The following DCSTAMP variants were observed in gnomAD, a reference collection of about 807,000 sequenced individuals.
The protein encoded by DCSTAMP is dendritic cell-specific transmembrane protein.
DCSTAMP carries 25 observed loss-of-function variants against 33.8 expected under a neutral mutation model. The ratio of observed to expected loss-of-function variants is 0.74; its 90% CI spans 0.54 to 1.03. The LOEUF is 1.03. Among genes scored for constraint, DCSTAMP ranks in the 50% least tolerant of loss-of-function variants. The pLI is 0.00. For missense variants in DCSTAMP, 531 were observed against 556.8 expected, an observed-to-expected ratio of 0.95 and a Z score of 0.47; for synonymous variants, 245 against 216.7, an observed-to-expected ratio of 1.13 and a Z score of -1.15.
intron 3 of DCSTAMP, 83 bp from the exon 4 acceptor site, chr8:104,356,041 C>A: frequency 7.9e-7 from 1 of 1,262,120 alleles, no homozygotes; most frequent in Non-Finnish European, 1.1e-6. Flanking sequence ...ACATCTTTAA[C>A]CCCACAATGA....
Position 104,348,630 on chromosome 8 carries a change from G to A in DCSTAMP, c.78G>A (p.Trp26Ter), listed in dbSNP as rs758551647. 1 of 1,614,188 alleles carries A rather than the reference G, an allele frequency of 6.2e-7. No individual in the cohort carries two copies. The highest frequency in any genetic ancestry group is 1.3e-5 in the African/African-American group (1 of 75,032). Residue 26 changes from tryptophan to a stop codon, truncating the protein, a stop_gained, in exon 2 of 4, where the codon TGG becomes TGA. Transcript: ENST00000297581. LOFTEE classifies it high-confidence loss of function. ...EIYVSPRSPG[W>*]MDFIQHLGVC... is the part of the protein sequence containing the mutation. ...ACGTGTCTCCAAGAAGCCCCGGATG[G>A]ATGGACTTTATCCAGCATTTGGGAG...
At chr8:104,353,695 G>A (rs1346345943) in intron 2 of DCSTAMP, among the ~76,000 whole-genome samples, 1 of 152,186 alleles carries the variant, frequency 6.6e-6, no homozygotes, top group Non-Finnish European at 1.5e-5. Context: ...TCCCAGGTTT[G>A]GGGTTTCCAA....
chr8:104,347,723 G>C (rs1050174579), intron 1 of DCSTAMP, among the ~76,000 whole-genome samples: 1 of 152,292 alleles, frequency 6.6e-6, no homozygotes, highest in East Asian at 1.9e-4. Flanking sequence ...GCCTGGTCAG[G>C]TGCCTTTTGT....
In DCSTAMP at chr8:104,354,900, C is replaced by A; in HGVS notation, c.1053C>A (p.Ile351=). 1 of 1,601,956 alleles carries A rather than the reference C, an allele frequency of 6.2e-7. No individual in the cohort carries two copies. Among genetic ancestry groups the A allele is most frequent in the Non-Finnish European group, 8.5e-7 (1 of 1,171,876 alleles). ...HGEKQGTQDI[I]HDSSFNISVF... is the part of the protein sequence containing the mutation. ...AGAAACAAGGAACTCAAGATATTAT[C>A]CATGATTCTTCCTTTAATATATCTG... Residue 351 remains isoleucine (I), a synonymous_variant, in exon 3 of 4, where the codon ATC becomes ATA. Transcript: ENST00000297581.
At chr8:104,351,941 A>T (rs919003165) in intron 2 of DCSTAMP, among the ~76,000 whole-genome samples, 1 of 152,160 alleles carries the variant, frequency 6.6e-6, no homozygotes, top group East Asian at 1.9e-4. Context: ...TTTTTTAAAA[A>T]GATTATTACT....
At chr8:104,347,096 T>C (rs1415136560) in intron 1 of DCSTAMP, among the ~76,000 whole-genome samples, 3 of 152,184 alleles carry the variant, frequency 2.0e-5, no homozygotes, top group Non-Finnish European at 4.4e-5. Flanking sequence ...TTATTTTATA[T>C]ATATATCACT....
rs903773328 is a variant in DCSTAMP at position 104,347,869 on chromosome 8, A to T, written c.-12-672A>T. ...CCTGCAAATGTGTCTTGAGATGGGG[A>T]GATTATCCCAGATTATCTGGGTGGG... On this transcript the variant is annotated intron_variant, in intron 1 of 3. Transcript: ENST00000297581. 3.3e-5 allele frequency among the ~76,000 whole-genome samples: 5 copies of T among 152,178 alleles called. No homozygotes were observed. The East Asian group carries it at 7.7e-4, about 23-fold the overall frequency.
At position 104,349,394 on chromosome 8, in the gene DCSTAMP, C is replaced by A. The variant is rs753918402; in HGVS notation, c.842C>A (p.Pro281Gln). Residue 281 changes from proline to glutamine, a missense_variant, in exon 2 of 4, where the codon CCG (proline) becomes CAG (glutamine). Pro to Gln is a moderately conservative substitution (Grantham distance 76). Coordinates refer to ENST00000297581, the MANE Select transcript of DCSTAMP (RefSeq NM_030788.4). ...KEERRKYVII[P>Q]TFWPTPKERK... Reference sequence around the variant, plus strand: ...GAAAGGAGGAAGTATGTCATCATCCCGACTTTCTGGCCGACTCCTAAAGAA... The same window carrying A: ...GAAAGGAGGAAGTATGTCATCATCCAGACTTTCTGGCCGACTCCTAAAGAA... The A allele has an allele frequency of 3.7e-6, 6 of 1,614,088 alleles. No homozygotes were observed. The highest frequency in any genetic ancestry group is 5.1e-6 in the Non-Finnish European group (6 of 1,180,050).
intron 1 of DCSTAMP, among the ~76,000 whole-genome samples, chr8:104,340,821 G>T (rs1204667054): frequency 1.3e-5 from 2 of 152,240 alleles, no homozygotes; most frequent in Admixed American, 6.5e-5. Context: ...CATCAAGCCA[G>T]TGAGGGAGGC....
rs777363051 is a variant in DCSTAMP, at chr8:104,348,672, T to C, written c.120T>C (p.Ala40=). Residue 40 remains alanine (A), a synonymous_variant, in exon 2 of 4, where the codon GCT becomes GCC. Transcript: ENST00000297581. The part of the protein sequence containing the change: ...IQHLGVCCLV[A]LISVGLLSVA... The stretch of plus-strand genomic sequence containing the variant: ...ATTTGGGAGTTTGCTGTTTGGTTGC[T>C]CTTATTTCAGTGGGCCTCCTGTCTG... The C allele has an allele frequency of 1.9e-6, 3 of 1,614,072 alleles. No individual in the cohort carries two copies. Among genetic ancestry groups the C allele is most frequent in the Non-Finnish European group, 2.5e-6 (3 of 1,180,050 alleles).
intron 1 of DCSTAMP, among the ~76,000 whole-genome samples, chr8:104,347,847 G>A (rs1044081085): frequency 5.3e-5 from 8 of 152,292 alleles, no homozygotes; most frequent in African/African-American, 1.9e-4. Context: ...AAGGGACCCT[G>A]CAAATGTGTC....
Position 104,356,071 on chromosome 8 carries a change from T to C in DCSTAMP, c.1339-53T>C, listed in dbSNP as rs115926403. On this transcript the variant is annotated intron_variant, in intron 3 of 3. Coordinates refer to ENST00000297581, the MANE Select transcript of DCSTAMP (RefSeq NM_030788.4). Reference sequence around the variant, plus strand: ...CAATGAAAAATTGATGTCAGAGGCATTTAAAATGACTCCAACTCCAATGCC... The same window carrying C: ...CAATGAAAAATTGATGTCAGAGGCACTTAAAATGACTCCAACTCCAATGCC... 3.3e-3 allele frequency: 5,046 copies of C among 1,540,482 alleles called. 46 individuals are homozygous for C. Among genetic ancestry groups the C allele is most frequent in the Middle Eastern group, 0.023 (133 of 5,810 alleles).
chr8:104,355,102 T>C lies in DCSTAMP; in HGVS notation c.1255T>C (p.Tyr419His). Residue 419 changes from tyrosine to histidine, a missense_variant, in exon 3 of 4, where the codon TAT (tyrosine) becomes CAT (histidine). Tyr to His is a moderately conservative substitution (Grantham distance 83, BLOSUM62 2). Coordinates refer to ENST00000297581, the MANE Select transcript of DCSTAMP (RefSeq NM_030788.4). Reference protein sequence around the residue: ...YPSVERKRIQYLHAKLLKKRS... With the variant: ...YPSVERKRIQHLHAKLLKKRS... Reference sequence around the variant, plus strand: ...CAGCGTGGAGAGGAAGCGCATCCAATATCTGCATGCAAAGCTGCTTAAAAA... The same window carrying C: ...CAGCGTGGAGAGGAAGCGCATCCAACATCTGCATGCAAAGCTGCTTAAAAA... 1 of 1,614,082 alleles carries C rather than the reference T, an allele frequency of 6.2e-7. No individual in the cohort carries two copies. The highest frequency in any genetic ancestry group is 8.5e-7 in the Non-Finnish European group (1 of 1,179,994).
intron 1 of DCSTAMP, among the ~76,000 whole-genome samples, chr8:104,345,031 A>G (rs918874127): frequency 1.1e-4 from 16 of 152,082 alleles, no homozygotes; most frequent in Middle Eastern, 3.4e-3. Flanking sequence ...CCTGGGCTCA[A>G]TCAAGCAATC....
At chr8:104,349,748 T>C (rs1810414124) in intron 2 of DCSTAMP, among the ~76,000 whole-genome samples, 167 bp downstream of exon 2, 2 of 152,206 alleles carry the variant, frequency 1.3e-5, no homozygotes, top group South Asian at 4.1e-4. Context: ...GCAGGTCAAA[T>C]TGAATCGAAG....
rs145252909 is a variant in DCSTAMP at position 104,341,433 on chromosome 8, T to C, written c.-13+1571T>C. ...AAAAAGGTGGCCAAACAGAGCTCTG[T>C]GGGTGGGGGCTGTGAGCCCTGTGCC... is the stretch of plus-strand genomic sequence containing the variant. On this transcript the variant is annotated intron_variant, in intron 1 of 3. Transcript: ENST00000297581. Among the ~76,000 whole-genome samples the C allele has an allele frequency of 1.9e-3, 289 of 152,306 alleles. 1 individual carries two copies. Among genetic ancestry groups the C allele is most frequent in the African/African-American group, 6.7e-3 (278 of 41,572 alleles).
intron 2 of DCSTAMP, among the ~76,000 whole-genome samples, chr8:104,351,722 C>A (rs1265107879): frequency 6.6e-6 from 1 of 152,166 alleles, no homozygotes; most frequent in African/African-American, 2.4e-5. Context: ...TGTCATGGTG[C>A]TGGTAGGAGT....
In DCSTAMP at chr8:104,339,834, G is replaced by T. The variant is rs1252145182; in HGVS notation, c.-41G>T. ...TACAGCCCTTGGGAAGTGCATTTCT[G>T]CATTCGAAGAAGAATCTGAGAGAAA... On this transcript the variant is annotated 5_prime_UTR_variant, in exon 1 of 4. Coordinates refer to ENST00000297581, the MANE Select transcript of DCSTAMP (RefSeq NM_030788.4). 1 of 152,132 alleles carries T rather than the reference G, an allele frequency of 6.6e-6. No homozygotes were observed. Among genetic ancestry groups the T allele is most frequent in the Non-Finnish European group, 1.5e-5 (1 of 68,026 alleles). The allele number at this position is 152,132 out of a possible 1,614,324, so 9.4% of individuals were successfully genotyped here. A position where few individuals can be genotyped will look rare whatever the true frequency, so the allele number is the denominator to read the frequency against.
intron 1 of DCSTAMP, among the ~76,000 whole-genome samples, chr8:104,347,458 A>G (rs949002548): frequency 7.2e-5 from 11 of 152,222 alleles, no homozygotes; most frequent in African/African-American, 2.7e-4. Flanking sequence ...AGCTTGCATA[A>G]TGCAGTTTAT....
Sources: allele counts gnomAD v4.1 joint callset (sites outside exome capture counted in the v4.1 genomes callset), GRCh38; gene constraint gnomAD v4.1.1; transcripts MANE v1.5; gene names NCBI Gene and HGNC (gene_info 2026-07-23, HGNC 2026-07-21).